LGR6: variants seen among roughly 807,000 people sequenced by gnomAD.
The protein encoded by LGR6 is leucine rich repeat containing G protein-coupled receptor 6.
A neutral mutation model predicts 69.4 loss-of-function variants in LGR6; 45 were observed. The ratio of observed to expected loss-of-function variants is 0.65; its 90% CI spans 0.51 to 0.83. The LOEUF is 0.83. Among genes scored for constraint, LGR6 ranks in the 40% least tolerant of loss-of-function variants. LGR6 has a pLI of 0.00. For missense variants in LGR6, 1,108 were observed against 1,246.7 expected (o/e 0.89, Z 1.68); for synonymous variants, 538 against 555.0 (o/e 0.97, Z 0.43).
chr1:202,300,387 C>T (rs926280622), intron 7 of LGR6, among the ~76,000 whole-genome samples: 3 of 152,188 alleles, frequency 2.0e-5, no homozygotes, highest in African/African-American at 7.2e-5. Context: ...GGTGCAGTGG[C>T]TCACACCTGT....
chr1:202,319,412 T>C lies in LGR6; in HGVS notation c.*205T>C. The C allele has an allele frequency of 1.8e-6, 1 of 560,634 alleles. No individual in the cohort carries two copies. Among genetic ancestry groups the C allele is most frequent in the Non-Finnish European group, 3.1e-6 (1 of 325,488 alleles). 34.7% of individuals were successfully genotyped at this position (560,634 alleles called of 1,614,324 possible). On this transcript the variant is annotated 3_prime_UTR_variant, in exon 18 of 18. Transcript: ENST00000367278. ...TGGCCTGGCTTTCCCTTGGCCTTCC[T>C]CAGCTTCACCTTGATACTGGGCCTC... is the stretch of plus-strand genomic sequence containing the variant.
intron 17 of LGR6, among the ~76,000 whole-genome samples, chr1:202,315,551 G>C (rs1267054422): frequency 6.6e-6 from 1 of 152,224 alleles, no homozygotes; most frequent in Non-Finnish European, 1.5e-5. Context: ...AATGCTAACA[G>C]GCCACAGAAG....
At chr1:202,244,427 A>G (rs1433505631) in intron 4 of LGR6, among the ~76,000 whole-genome samples, 1 of 152,214 alleles carries the variant, frequency 6.6e-6, no homozygotes, top group Non-Finnish European at 1.5e-5. Flanking sequence ...CATAGTTCTG[A>G]GGCCAGAAGT....
At chr1:202,239,183 T>G (rs1295661092) in intron 4 of LGR6, among the ~76,000 whole-genome samples, 1 of 152,182 alleles carries the variant, frequency 6.6e-6, no homozygotes, top group East Asian at 1.9e-4. Context: ...GCTGTCTTGC[T>G]GGCGTACGCA....
intron 17 of LGR6, among the ~76,000 whole-genome samples, chr1:202,315,444 C>T (rs1289811958): frequency 6.6e-6 from 1 of 152,242 alleles, no homozygotes; most frequent in Non-Finnish European, 1.5e-5. Flanking sequence ...CTAAATCCAT[C>T]CTGCTATAAA....
At chr1:202,267,415 T>G (rs944651688) in intron 4 of LGR6, among the ~76,000 whole-genome samples, 2 of 152,206 alleles carry the variant, frequency 1.3e-5, no homozygotes, top group African/African-American at 2.4e-5. Context: ...TTCAGCCCCC[T>G]AAGGGCCTCG....
chr1:202,230,842 G>C (rs1237039575), intron 3 of LGR6, among the ~76,000 whole-genome samples: 3 of 152,152 alleles, frequency 2.0e-5, no homozygotes, highest in East Asian at 1.9e-4. Flanking sequence ...CTGGCATCTA[G>C]AAAGACTCCT....
intron 4 of LGR6, among the ~76,000 whole-genome samples, chr1:202,245,340 G>C (rs1424919338): frequency 6.6e-6 from 1 of 152,206 alleles, no homozygotes; most frequent in African/African-American, 2.4e-5. Context: ...CAGCCCTCAA[G>C]GGTCTGAACA....
intron 6 of LGR6, among the ~76,000 whole-genome samples, chr1:202,284,259 A>C (rs1220384138): frequency 6.6e-6 from 1 of 152,188 alleles, no homozygotes; most frequent in East Asian, 1.9e-4. Flanking sequence ...AACCTCAGCC[A>C]GAAGCAGACA....
chr1:202,248,448 A>G, intron 4 of LGR6, among the ~76,000 whole-genome samples: 1 of 152,128 alleles, frequency 6.6e-6, no homozygotes, highest in Admixed American at 6.5e-5. Context: ...ATGTGACCCC[A>G]TCCGGGGGAC....
chr1:202,211,172 T>G (rs941386437), intron 1 of LGR6, among the ~76,000 whole-genome samples: 1 of 152,212 alleles, frequency 6.6e-6, no homozygotes, highest in African/African-American at 2.4e-5. Context: ...AAGTGTTTAT[T>G]GAGCATCTAC....
intron 1 of LGR6, among the ~76,000 whole-genome samples, chr1:202,215,108 T>C (rs1250374448): frequency 7.2e-6 from 1 of 139,202 alleles, no homozygotes; most frequent in Non-Finnish European, 1.5e-5. Flanking sequence ...GGGATGGGGT[T>C]AGTGAGGGTG....
At chr1:202,304,943 T>C (rs1479039997) in intron 11 of LGR6, among the ~76,000 whole-genome samples, 1 of 152,182 alleles carries the variant, frequency 6.6e-6, no homozygotes, top group East Asian at 1.9e-4. Context: ...ATAAATGACA[T>C]AATTACTGTA....
chr1:202,282,520 G>A (rs1027147147), intron 6 of LGR6, among the ~76,000 whole-genome samples: 13 of 152,186 alleles, frequency 8.5e-5, no homozygotes, highest in African/African-American at 3.1e-4. Flanking sequence ...GCAAAAGCCT[G>A]TGTGCCCACA....
chr1:202,266,619 A>G (rs1244636291), intron 4 of LGR6, among the ~76,000 whole-genome samples: 4 of 152,082 alleles, frequency 2.6e-5, no homozygotes, highest in African/African-American at 9.7e-5. Context: ...TGCGTCACCC[A>G]GGACCCTCTG....
At chr1:202,228,186 A>G (rs1403487930) in intron 3 of LGR6, among the ~76,000 whole-genome samples, 179 bp downstream of exon 3, 1 of 152,224 alleles carries the variant, frequency 6.6e-6, no homozygotes, top group Non-Finnish European at 1.5e-5. Flanking sequence ...AACAAACTTT[A>G]TGATTTGTAA....
At chr1:202,212,375 T>G (rs1245382576) in intron 1 of LGR6, among the ~76,000 whole-genome samples, 1 of 152,204 alleles carries the variant, frequency 6.6e-6, no homozygotes, top group Non-Finnish European at 1.5e-5. Flanking sequence ...CTCTGCTGAT[T>G]GTTCCCCGCT....
rs59771802 is a variant in LGR6, at chr1:202,231,739, C to T, written c.356+3732C>T. Reference sequence around the variant, plus strand: ...GATGTGCCACCCTTGGACCTTGTTACGACATCAGCACATTACCCCTCTACA... The same window carrying T: ...GATGTGCCACCCTTGGACCTTGTTATGACATCAGCACATTACCCCTCTACA... On this transcript the variant is annotated intron_variant, in intron 3 of 17. Transcript: ENST00000367278. Among the ~76,000 whole-genome samples, 223 of 152,286 alleles carry T rather than the reference C, an allele frequency of 1.5e-3. 6 individuals are homozygous for T. The East Asian group carries it at 0.036, about 25-fold the overall frequency.
chr1:202,255,206 A>G (rs1044301775), intron 4 of LGR6, among the ~76,000 whole-genome samples: 2 of 152,210 alleles, frequency 1.3e-5, no homozygotes, highest in African/African-American at 4.8e-5. Flanking sequence ...TCGTGGAGAC[A>G]GATGTGTGTC....
Sources: allele counts gnomAD v4.1 joint callset (sites outside exome capture counted in the v4.1 genomes callset), GRCh38; gene constraint gnomAD v4.1.1; transcripts MANE v1.5; gene names NCBI Gene and HGNC (gene_info 2026-07-23, HGNC 2026-07-21).